Variants in NTN5 observed in about 807,000 individuals in gnomAD.
NTN5 encodes netrin-5.
Under a neutral mutation model 38.7 loss-of-function variants are expected in NTN5, and 42 were observed. The observed-to-expected ratio is 1.08, with a 90% CI of 0.85 to 1.40. The LOEUF is 1.40. NTN5 is among the 40% of genes most tolerant of loss of function. The pLI, the probability that NTN5 is intolerant of heterozygous loss-of-function variation, is 0.00. For synonymous variants in NTN5, 329 were observed against 303.9 expected, an observed-to-expected ratio of 1.08 and a Z score of -0.86; for missense variants, 658 against 716.5, an observed-to-expected ratio of 0.92 and a Z score of 0.93.
chr19:48,671,049 GC>G, intron 1 of NTN5, 43 bp from the exon 2 acceptor site: 1 of 1,406,764 alleles, frequency 7.1e-7, no homozygotes, highest in Non-Finnish European at 9.4e-7. Flanking sequence ...CTCAGCCGCA[GC>G]CTCTACCCCT....
chr19:48,669,255 C>T (rs891713596), intron 2 of NTN5, among the ~76,000 whole-genome samples: 2 of 18,354 alleles, frequency 1.1e-4, no homozygotes, highest in African/African-American at 7.6e-4. Context: ...ACCATCACCA[C>T]CACCACGACC....
chr19:48,664,627 AC>A lies in NTN5; in HGVS notation c.771del (p.Phe258SerfsTer41). 1 of 1,613,684 alleles carries A rather than the reference AC, an allele frequency of 6.2e-7. No homozygotes were observed. The highest frequency in any genetic ancestry group is 8.5e-7 in the Non-Finnish European group (1 of 1,179,938). On this transcript the variant is annotated frameshift_variant, in exon 3 of 7. Coordinates refer to ENST00000270235, the MANE Select transcript of NTN5 (RefSeq NM_145807.4). LOFTEE classifies it high-confidence loss of function. ...AGRHCHYCQPGFWRDPSQPIF... is the reference protein window; with the variant it reads ...AGRHCHYCQPXFWRDPSQPIF... ...ATAGGCTGGCTAGGGTCCCTCCAGA[AC>A]CCAGGTTGGCAGTAGTGGCAGTGCC...
At chr19:48,665,361 G>A (rs190098026) in intron 2 of NTN5, among the ~76,000 whole-genome samples, 91 of 149,610 alleles carry the variant, frequency 6.1e-4, no homozygotes, top group African/African-American at 2.0e-3. Flanking sequence ...TCCTGAACCC[G>A]GGAGGTGGAG....
At chr19:48,668,126 C>T (rs1181767253) in intron 2 of NTN5, among the ~76,000 whole-genome samples, 3 of 152,040 alleles carry the variant, frequency 2.0e-5, no homozygotes, top group Non-Finnish European at 4.4e-5. Flanking sequence ...AAGAGGGCAT[C>T]GCATGGGACA....
chr19:48,664,256 G>A lies in NTN5; in HGVS notation c.857C>T (p.Thr286Ile). The A allele has an allele frequency of 6.2e-7, 1 of 1,613,104 alleles. No homozygotes were observed. Among genetic ancestry groups the A allele is most frequent in the Non-Finnish European group, 8.5e-7 (1 of 1,179,628 alleles). ...GCACTGCCCACTGGTCTGGTTGCAG[G>A]TTCCTCCTGTTGCCCCAATAGGGTG... is the stretch of plus-strand genomic sequence containing the variant. ...QCHPIGATGG[T>I]CNQTSGQCTC... Residue 286 changes from threonine to isoleucine, a missense_variant, in exon 4 of 7, where the codon ACC becomes ATC. Transcript: ENST00000270235.
intron 2 of NTN5, among the ~76,000 whole-genome samples, chr19:48,665,203 A>G (rs542662714): frequency 6.6e-6 from 1 of 152,154 alleles, no homozygotes; most frequent in South Asian, 2.1e-4. Flanking sequence ...TGGGAGGCCA[A>G]GGTAGGTGGA....
chr19:48,664,918 A>T (rs1244412835), intron 2 of NTN5, 151 bp from the exon 3 acceptor site: 2 of 616,740 alleles, frequency 3.2e-6, no homozygotes, highest in East Asian at 6.9e-5. Flanking sequence ...CTCTATTATT[A>T]TCTTTTTTTT....
At chr19:48,667,521 TG>T in intron 2 of NTN5, 1 of 192,858 alleles carries the variant, frequency 5.2e-6, no homozygotes, top group South Asian at 5.5e-5. Context: ...AGAATGGGGA[TG>T]GTCTGTAAGT....
At chr19:48,663,688 C>T in intron 5 of NTN5, 73 bp downstream of exon 5, 1 of 1,538,994 alleles carries the variant, frequency 6.5e-7, no homozygotes, top group East Asian at 2.2e-5. Context: ...CCATGTATCC[C>T]CATCTGGGGA....
At chr19:48,669,756 AT>A (rs2031872684) in intron 2 of NTN5, among the ~76,000 whole-genome samples, 60 of 99,272 alleles carry the variant, frequency 6.0e-4, no homozygotes, top group Non-Finnish European at 7.9e-4. Context: ...CACCATCACC[AT>A]CGTCACCACT....
chr19:48,664,071 C>CTGTG lies in NTN5; in HGVS notation c.970+68_970+71dup, dbSNP rs1261052881. ...CCCAAGGCCCCAGCCCTCACTGCAG[C>CTGTG]TGTGCACTGGAGACCTGGGATGTCT... On this transcript the variant is annotated intron_variant, in intron 4 of 6. Coordinates refer to ENST00000270235, the MANE Select transcript of NTN5 (RefSeq NM_145807.4). The CTGTG allele has an allele frequency of 7.3e-6, 11 of 1,502,704 alleles. No individual in the cohort carries two copies. The Admixed American group carries it at 1.0e-4, about 14-fold the overall frequency. The allele number at this position is 1,502,704 out of a possible 1,614,324, so 93.1% of individuals were successfully genotyped here.
chr19:48,664,742 T>C lies in NTN5; in HGVS notation c.657A>G (p.Arg219=). 1 of 1,576,006 alleles carries C rather than the reference T, an allele frequency of 6.3e-7. No individual in the cohort carries two copies. Among genetic ancestry groups the C allele is most frequent in the Non-Finnish European group, 8.6e-7 (1 of 1,161,628 alleles). Residue 219 remains arginine (R), a synonymous_variant, in exon 3 of 7, where the codon CGA becomes CGG. Transcript: ENST00000270235. ...CLPCSCNQHA[R]RCRFNSELFR... ...ACAGCTCAGAGTTGAACCGGCAGCGTCGGGCGTGCTGGTTGCAGGAGCAGG... is the reference window on the plus strand; with the variant it reads ...ACAGCTCAGAGTTGAACCGGCAGCGCCGGGCGTGCTGGTTGCAGGAGCAGG...
chr19:48,664,010 G>T, intron 4 of NTN5, 133 bp downstream of exon 4: 1 of 1,256,036 alleles, frequency 8.0e-7, no homozygotes, highest in Non-Finnish European at 1.1e-6. Flanking sequence ...TTATCCGAGG[G>T]CCCAGAGTCC....
At chr19:48,663,570 G>A (rs749439384) in intron 5 of NTN5, 27 bp from the exon 6 acceptor site, 64 of 1,604,064 alleles carry the variant, frequency 4.0e-5, no homozygotes, top group Non-Finnish European at 5.3e-5. Flanking sequence ...TGTCTGCAGT[G>A]GGCTCCTGGG....
intron 6 of NTN5, among the ~76,000 whole-genome samples, chr19:48,662,295 G>T (rs1002275019): frequency 2.0e-5 from 3 of 151,010 alleles, no homozygotes; most frequent in Non-Finnish European, 4.4e-5. Flanking sequence ...GAAGAGGCAG[G>T]TCCAGGGTCT....
rs562231040 is a variant in NTN5 at position 48,669,102 on chromosome 19, A to T, written c.631+1254T>A. On this transcript the variant is annotated intron_variant, in intron 2 of 6. Transcript: ENST00000270235. The stretch of plus-strand genomic sequence containing the variant: ...CACCATCATCACCACCACCATCACC[A>T]CTATCACCATCATCACCACCACCAC... Among the ~76,000 whole-genome samples the T allele has an allele frequency of 9.3e-4, 129 of 138,454 alleles. 1 individual carries two copies. The highest frequency in any genetic ancestry group is 3.6e-3 in the African/African-American group (126 of 35,466). The allele number at this position is 138,454 out of a possible 152,430, so 90.8% of individuals were successfully genotyped here. A position where few individuals can be genotyped will look rare whatever the true frequency, so the allele number is the denominator to read the frequency against.
Position 48,670,351 on chromosome 19 carries a change from C to T in NTN5, c.631+5G>A. 1.4e-6 allele frequency: 2 copies of T among 1,407,196 alleles called. No homozygotes were observed. Among genetic ancestry groups the T allele is most frequent in the Non-Finnish European group, 1.8e-6 (2 of 1,081,334 alleles). The allele number at this position is 1,407,196 out of a possible 1,614,324, so 87.2% of individuals were successfully genotyped here. On this transcript the variant is annotated splice_donor_5th_base_variant and intron_variant, in intron 2 of 6. Coordinates refer to ENST00000270235, the MANE Select transcript of NTN5 (RefSeq NM_145807.4). ...GGCAGGGAGAGTGAGGGGCGCAGGA[C>T]TCACGTAGGCAAGGGTGGGGGTGCC...
At chr19:48,671,399 A>C (rs186189652) in intron 1 of NTN5, among the ~76,000 whole-genome samples, 13 of 151,778 alleles carry the variant, frequency 8.6e-5, no homozygotes, top group Non-Finnish European at 2.9e-5. Flanking sequence ...ACAGATGAAG[A>C]CTCAGTCACA....
chr19:48,663,714 C>T (rs1198214096), intron 5 of NTN5, 47 bp downstream of exon 5: 2 of 1,591,770 alleles, frequency 1.3e-6, no homozygotes, highest in Admixed American at 3.3e-5. Flanking sequence ...TCAGCCCATC[C>T]TCATTCCCAC....
Sources: allele counts gnomAD v4.1 joint callset (sites outside exome capture counted in the v4.1 genomes callset), GRCh38; gene constraint gnomAD v4.1.1; transcripts MANE v1.5; gene names NCBI Gene and HGNC (gene_info 2026-07-23, HGNC 2026-07-21).